The following SETD2 variants were observed in gnomAD, a reference collection of about 807,000 sequenced individuals.
SETD2 encodes SET domain containing 2, histone lysine methyltransferase, also known as histone-lysine N-methyltransferase SETD2.
A neutral mutation model predicts 242.1 loss-of-function variants in SETD2; 31 were observed. The ratio of observed to expected loss-of-function variants is 0.13; its 90% CI spans 0.10 to 0.17. The LOEUF is 0.17. SETD2 is among the 10% of genes least tolerant of loss of function. The pLI is 1.00. For synonymous variants in SETD2, 1,006 were observed against 1,066.5 expected (o/e 0.94, Z 1.11); for missense variants, 2,481 against 3,046.3 (o/e 0.81, Z 4.37).
intron 9 of SETD2, among the ~76,000 whole-genome samples, chr3:47,090,741 A>G (rs569257568): frequency 6.6e-6 from 1 of 152,330 alleles, no homozygotes; most frequent in East Asian, 1.9e-4. Context: ...TAAAATTCAG[A>G]TAAGCTAGAG....
chr3:47,164,309 C>T (rs1018884751), upstream of SETD2, among the ~76,000 whole-genome samples: 2 of 152,142 alleles, frequency 1.3e-5, no homozygotes, highest in Admixed American at 1.3e-4. This position sits in a 1 kb window ranked among gnomAD's most constrained non-coding sequence, Gnocchi z 5.4. Flanking sequence ...GTGCCTGTGG[C>T]TCTCCGGAAC....
intron 4 of SETD2, among the ~76,000 whole-genome samples, chr3:47,114,624 A>G (rs2042783679): frequency 1.3e-5 from 2 of 152,204 alleles, no homozygotes; most frequent in Admixed American, 1.3e-4. Context: ...CATGCCTGTA[A>G]TCCCAGCACT....
intron 15 of SETD2, among the ~76,000 whole-genome samples, chr3:47,051,687 G>T (rs2039849949): frequency 6.6e-6 from 1 of 150,760 alleles, no homozygotes; most frequent in Admixed American, 6.6e-5. Context: ...TTCTGATATT[G>T]ATTTTATAAA....
intron 19 of SETD2, among the ~76,000 whole-genome samples, chr3:47,019,387 T>C (rs531484751): frequency 2.0e-5 from 3 of 152,188 alleles, no homozygotes; most frequent in Non-Finnish European, 2.9e-5. Context: ...GCTTAACCAG[T>C]TGAAAAAGGC....
chr3:47,018,008 A>G (rs907257500), intron 19 of SETD2, among the ~76,000 whole-genome samples: 6 of 152,188 alleles, frequency 3.9e-5, no homozygotes, highest in Non-Finnish European at 7.4e-5. Context: ...CATGACTTCA[A>G]TGCTGAGTCC....
chr3:47,087,890 C>T (rs2041631622), intron 10 of SETD2, among the ~76,000 whole-genome samples: 1 of 151,876 alleles, frequency 6.6e-6, no homozygotes, highest in African/African-American at 2.4e-5. Context: ...TGCTTGCACC[C>T]AGGACACAGA....
At chr3:47,022,241 C>A (rs1308955167) in intron 18 of SETD2, among the ~76,000 whole-genome samples, 3 of 120,646 alleles carry the variant, frequency 2.5e-5, no homozygotes, top group African/African-American at 9.1e-5. Flanking sequence ...ACAAATTTAG[C>A]ACGTGGGGTT....
rs1272627601 is a variant in SETD2 at position 47,122,071 on chromosome 3, G to A, written c.2565C>T (p.Ser855=). 1 of 1,613,818 alleles carries A rather than the reference G, an allele frequency of 6.2e-7. No homozygotes were observed. The highest frequency in any genetic ancestry group is 1.3e-5 in the African/African-American group (1 of 75,050). The change falls in exon 3 of 21, where the codon AGC becomes AGT. Residue 855 remains serine (S), a synonymous_variant. Transcript: ENST00000409792. The part of the protein sequence containing the change: ...SKFACEEYKQ[S]IGSTSSASVN... ...CAGAAGCTGAACTAGTGCTACCGAT[G>A]CTCTGCTTATATTCTTCACATGCAA...
chr3:47,083,715 C>T lies in SETD2; in HGVS notation c.6060+5G>A, dbSNP rs754410090. 1 of 1,595,986 alleles carries T rather than the reference C, an allele frequency of 6.3e-7. No homozygotes were observed. Among genetic ancestry groups the T allele is most frequent in the Admixed American group, 1.8e-5 (1 of 56,890 alleles). Reference sequence around the variant, plus strand: ...AGTTGAAATGAACAAAAGATGCTTCCTTACCTTTAGGTCTTTCCAACTGTC... The same window carrying T: ...AGTTGAAATGAACAAAAGATGCTTCTTTACCTTTAGGTCTTTCCAACTGTC... On this transcript the variant is annotated splice_donor_5th_base_variant and intron_variant, in intron 12 of 20. Coordinates refer to ENST00000409792, the MANE Select transcript of SETD2 (RefSeq NM_014159.7).
At chr3:47,046,340 A>G (rs1216769294) in intron 16 of SETD2, 147 bp downstream of exon 16, 1 of 680,474 alleles carries the variant, frequency 1.5e-6, no homozygotes, top group African/African-American at 1.9e-5. Context: ...CTGTCTCAAA[A>G]AAAAAATAAA....
chr3:47,058,211 G>C (rs1575702573), intron 14 of SETD2, among the ~76,000 whole-genome samples: 1 of 151,954 alleles, frequency 6.6e-6, no homozygotes, highest in South Asian at 2.1e-4. Flanking sequence ...GGCATGATGA[G>C]GCAGGCAGAT....
At position 47,089,168 on chromosome 3, in the gene SETD2, G is replaced by C. The variant is rs141577527; in HGVS notation, c.5143-921C>G. Among the ~76,000 whole-genome samples, 4 of 152,252 alleles carry C rather than the reference G, an allele frequency of 2.6e-5. No homozygotes were observed. The East Asian group carries it at 7.7e-4, about 29-fold the overall frequency. On this transcript the variant is annotated intron_variant, in intron 9 of 20. Transcript: ENST00000409792. ...TGCTTTTAAACAGGCAAGGATGACC[G>C]GGCATGGTGGCTCACACTTGTAATC...
intron 1 of SETD2, among the ~76,000 whole-genome samples, chr3:47,134,943 G>GT (rs1216738391): frequency 6.6e-6 from 1 of 152,022 alleles, no homozygotes; most frequent in Non-Finnish European, 1.5e-5. Flanking sequence ...TTTTAGAAAG[G>GT]TAACACTTAA....
intron 5 of SETD2, among the ~76,000 whole-genome samples, chr3:47,111,424 G>C (rs2042647980): frequency 6.6e-6 from 1 of 152,096 alleles, no homozygotes; most frequent in Admixed American, 6.6e-5. Context: ...AAATAAAGTA[G>C]CTGGGCATAC....
chr3:47,040,224 C>T (rs1405696258), intron 17 of SETD2, among the ~76,000 whole-genome samples: 1 of 152,046 alleles, frequency 6.6e-6, no homozygotes, highest in Non-Finnish European at 1.5e-5. Context: ...GGTGATCTGC[C>T]CATCTTGGCC....
intron 14 of SETD2, among the ~76,000 whole-genome samples, chr3:47,058,916 T>TC (rs759943490): frequency 2.6e-5 from 4 of 151,764 alleles, no homozygotes; most frequent in Non-Finnish European, 5.9e-5. Flanking sequence ...TGCCTCAGCC[T>TC]CCAGAGTAGC....
intron 2 of SETD2, among the ~76,000 whole-genome samples, chr3:47,125,398 C>G (rs578126029): frequency 6.6e-6 from 1 of 151,774 alleles, no homozygotes; most frequent in African/African-American, 2.4e-5. Flanking sequence ...CAAATATCAA[C>G]GAGCTATTGA....
intron 1 of SETD2, among the ~76,000 whole-genome samples, chr3:47,160,332 CCTT>C (rs1697453537): frequency 6.6e-6 from 1 of 151,866 alleles, no homozygotes; most frequent in African/African-American, 2.4e-5. Flanking sequence ...GATGGAATCT[CCTT>C]CTGTCCCCCA....
chr3:47,163,229 A>G (rs1456334165), intron 1 of SETD2, among the ~76,000 whole-genome samples: 1 of 152,216 alleles, frequency 6.6e-6, no homozygotes, highest in Non-Finnish European at 1.5e-5. Flanking sequence ...AAGGTGCACA[A>G]TGTGAATCCG....
Sources: gnomAD v4.1 joint callset for allele counts (sites outside exome capture counted in the v4.1 genomes callset) on GRCh38, gnomAD v4.1.1 for gene constraint, Gnocchi (gnomAD v3.1) non-coding constraint, MANE v1.5 for transcripts, NCBI Gene and HGNC (gene_info 2026-07-23, HGNC 2026-07-21) for gene names.